Variants in KIAA0319L observed in about 807,000 individuals in gnomAD.
The protein encoded by KIAA0319L is dyslexia-associated protein KIAA0319-like protein.
In KIAA0319L, 55 loss-of-function variants were observed where a neutral mutation model predicts 120.1. That is an observed-to-expected ratio of 0.46 (90% CI 0.37 to 0.57). The LOEUF (loss-of-function observed/expected upper bound fraction) is 0.57. KIAA0319L is among the 20% of genes least tolerant of loss of function. KIAA0319L has a pLI of 0.00. For missense variants in KIAA0319L, 1,049 were observed against 1,255.3 expected (o/e 0.84, Z 2.48); for synonymous variants, 398 against 471.9 (o/e 0.84, Z 2.03).
At chr1:35,466,474 C>T (rs933799676) in intron 7 of KIAA0319L, 134 bp downstream of exon 7, 2 of 634,058 alleles carry the variant, frequency 3.2e-6, no homozygotes, top group South Asian at 1.9e-5. Flanking sequence ...TAACTATTCA[C>T]CACATTGAAC....
chr1:35,557,452 T>A (rs1277310980), upstream of KIAA0319L: 11 of 349,110 alleles, frequency 3.2e-5, no homozygotes, highest in Non-Finnish European at 5.6e-5. Flanking sequence ...ACACTCTCCA[T>A]GCTAACCAAG....
chr1:35,530,797 G>T (rs1003720130), intron 2 of KIAA0319L, among the ~76,000 whole-genome samples: 2 of 152,116 alleles, frequency 1.3e-5, no homozygotes, highest in Non-Finnish European at 2.9e-5. Context: ...CTTTGATTCT[G>T]GATGCATGCG....
intron 20 of KIAA0319L, 54 bp downstream of exon 20, chr1:35,440,993 C>G: frequency 7.3e-7 from 1 of 1,369,678 alleles, no homozygotes; most frequent in Admixed American, 1.7e-5. Flanking sequence ...GTGACAGCAG[C>G]CTTCCACAGA....
At chr1:35,537,313 T>C (rs1646613871) in intron 2 of KIAA0319L, among the ~76,000 whole-genome samples, 3 of 151,970 alleles carry the variant, frequency 2.0e-5, no homozygotes, top group Non-Finnish European at 4.4e-5. Context: ...CCAACCTCCC[T>C]TGGAAACCCA....
Position 35,449,923 on chromosome 1 carries a change from A to G in KIAA0319L, c.2297T>C (p.Val766Ala). 6.2e-7 allele frequency: 1 copy of G among 1,614,140 alleles called. No individual in the cohort carries two copies. Among genetic ancestry groups the G allele is most frequent in the Non-Finnish European group, 8.5e-7 (1 of 1,180,010 alleles). Residue 766 changes from valine to alanine, a missense_variant, in exon 15 of 21, where the codon GTG becomes GCG. Val to Ala is a moderately conservative substitution (Grantham distance 64, BLOSUM62 0). Transcript: ENST00000325722. ...VEGTYTFHLK[V>A]TDAKGESDTD... The stretch of plus-strand genomic sequence containing the variant: ...GTCACTCTCACCCTTTGCATCGGTC[A>G]CTTTCAGGTGAAAAGTGTAGGTTCC...
At chr1:35,445,727 G>A (rs1362175154) in intron 16 of KIAA0319L, among the ~76,000 whole-genome samples, 1 of 152,168 alleles carries the variant, frequency 6.6e-6, no homozygotes, top group Non-Finnish European at 1.5e-5. Context: ...CAGAAGCTGG[G>A]TCTAATATAA....
intron 3 of KIAA0319L, among the ~76,000 whole-genome samples, chr1:35,502,671 C>A (rs1169085417): frequency 6.6e-6 from 1 of 152,128 alleles, no homozygotes; most frequent in Non-Finnish European, 1.5e-5. Context: ...ATACTCTGAC[C>A]ACCGCCTCCT....
chr1:35,491,007 T>A (rs1034412950), intron 3 of KIAA0319L, among the ~76,000 whole-genome samples: 2 of 152,246 alleles, frequency 1.3e-5, no homozygotes, highest in African/African-American at 4.8e-5. Context: ...CTGTACAGTC[T>A]GCAGAACTGT....
chr1:35,434,739 G>A lies in KIAA0319L; in HGVS notation c.*155C>T, dbSNP rs1640651516. 1.6e-6 allele frequency: 1 copy of A among 610,744 alleles called. No homozygotes were observed. 37.8% of individuals were successfully genotyped at this position (610,744 alleles called of 1,614,324 possible). ...CAGCTTCGTTGAGGGGTTCCTGGAG[G>A]ACGTCTCTGGATTCAAGTCCCAGGG... On this transcript the variant is annotated 3_prime_UTR_variant, in exon 21 of 21. Transcript: ENST00000325722.
intron 2 of KIAA0319L, among the ~76,000 whole-genome samples, chr1:35,515,581 T>C (rs1645647019): frequency 6.6e-6 from 1 of 152,160 alleles, no homozygotes; most frequent in Non-Finnish European, 1.5e-5. Flanking sequence ...GGGAAATTCA[T>C]AGCACTAAAT....
At chr1:35,513,288 A>ATATATATTTTTT (rs1414704674) in intron 2 of KIAA0319L, among the ~76,000 whole-genome samples, 3 of 85,302 alleles carry the variant, frequency 3.5e-5, no homozygotes, top group South Asian at 4.3e-4. Flanking sequence ...ATATATATAT[A>ATATATATTTTTT]TTTTTTTTTT....
intron 3 of KIAA0319L, among the ~76,000 whole-genome samples, chr1:35,494,629 C>T (rs1193134833): frequency 6.7e-5 from 10 of 150,168 alleles, no homozygotes; most frequent in Admixed American, 6.6e-5. Context: ...ACCCCATCTC[C>T]GCTAAAATAA....
chr1:35,538,909 G>A (rs1393760377), intron 2 of KIAA0319L, among the ~76,000 whole-genome samples: 4 of 151,840 alleles, frequency 2.6e-5, no homozygotes, highest in Non-Finnish European at 5.9e-5. Context: ...CAACACTCCT[G>A]ACTGCCAAAT....
rs949113563 is a variant in KIAA0319L, at chr1:35,437,068, T to C, written c.2963-1987A>G. ...ACCTGAGCGGGCTCTCCCAGCTCCC[T>C]TCGGTAGACACTGCCCACAAGAGAC... is the stretch of plus-strand genomic sequence containing the variant. On this transcript the variant is annotated intron_variant, in intron 20 of 20. Coordinates refer to ENST00000325722, the MANE Select transcript of KIAA0319L (RefSeq NM_024874.5). This position sits in a 1 kb window ranked among gnomAD's most constrained non-coding sequence, Gnocchi z 4.1. Among the ~76,000 whole-genome samples, 6 of 152,152 alleles carry C rather than the reference T, an allele frequency of 3.9e-5. No individual in the cohort carries two copies. Among genetic ancestry groups the C allele is most frequent in the Non-Finnish European group, 7.4e-5 (5 of 68,022 alleles).
intron 1 of KIAA0319L, among the ~76,000 whole-genome samples, chr1:35,555,789 C>A (rs1647907752): frequency 6.6e-6 from 1 of 152,204 alleles, no homozygotes; most frequent in Admixed American, 6.5e-5. Flanking sequence ...CTCAAGGTGA[C>A]TCAACAGCTG....
intron 7 of KIAA0319L, among the ~76,000 whole-genome samples, chr1:35,466,116 A>T (rs532513263): frequency 6.6e-6 from 1 of 152,316 alleles, no homozygotes; most frequent in East Asian, 1.9e-4. Flanking sequence ...CTGCACTGTG[A>T]TCTACCTACA....
chr1:35,478,509 A>C (rs1644004753), intron 4 of KIAA0319L, among the ~76,000 whole-genome samples: 1 of 152,230 alleles, frequency 6.6e-6, no homozygotes, highest in African/African-American at 2.4e-5. Context: ...TGTCTGCATC[A>C]AAGTATCTCA....
intron 2 of KIAA0319L, 65 bp downstream of exon 2, chr1:35,554,285 G>C: frequency 1.6e-6 from 2 of 1,244,408 alleles, no homozygotes; most frequent in Non-Finnish European, 1.1e-6. Flanking sequence ...AAAATGAACT[G>C]AGGGACTCAC....
chr1:35,489,428 T>C (rs1186244066), intron 3 of KIAA0319L, among the ~76,000 whole-genome samples: 1 of 152,088 alleles, frequency 6.6e-6, no homozygotes, highest in Non-Finnish European at 1.5e-5. Context: ...GCTTACTGTC[T>C]AGAAAATGTT....
Sources: allele counts gnomAD v4.1 joint callset (sites outside exome capture counted in the v4.1 genomes callset), GRCh38; gene constraint gnomAD v4.1.1; non-coding constraint Gnocchi (gnomAD v3.1); transcripts MANE v1.5; gene names NCBI Gene and HGNC (gene_info 2026-07-23, HGNC 2026-07-21).